MED12L: variants seen among roughly 807,000 people sequenced by gnomAD.
MED12L encodes the protein mediator of RNA polymerase II transcription subunit 12-like protein.
Under a neutral mutation model 281.3 loss-of-function variants are expected in MED12L, and 60 were observed. The ratio of observed to expected loss-of-function variants is 0.21; its 90% confidence interval spans 0.17 to 0.26. The LOEUF is 0.26. MED12L is among the 10% of genes least tolerant of loss of function. The pLI, the probability that MED12L is intolerant of heterozygous loss-of-function variation, is 1.00. For missense variants in MED12L, 2,146 were observed against 2,680.9 expected (o/e 0.80, Z 4.41); for synonymous variants, 974 against 987.2 (o/e 0.99, Z 0.25).
chr3:151,317,465 T>TTTTTTG (rs1748428061), intron 16 of MED12L, among the ~76,000 whole-genome samples: 1 of 131,980 alleles, frequency 7.6e-6, no homozygotes, highest in Non-Finnish European at 1.5e-5. Flanking sequence ...TTTTTTTTTT[T>TTTTTTG]TGTGAGACGG....
intron 16 of MED12L, among the ~76,000 whole-genome samples, chr3:151,309,047 T>A (rs1747087171): frequency 6.6e-6 from 1 of 151,766 alleles, no homozygotes; most frequent in Non-Finnish European, 1.5e-5. Flanking sequence ...TGAATACAAA[T>A]AAATAACCCA....
At chr3:151,120,174 C>T (rs938566326) in intron 3 of MED12L, among the ~76,000 whole-genome samples, 9 of 150,904 alleles carry the variant, frequency 6.0e-5, no homozygotes, top group Admixed American at 4.0e-4. Context: ...TGTAGTGAGC[C>T]GAAATCACAC....
chr3:151,434,461 A>G lies in MED12L; in HGVS notation c.*1657A>G, dbSNP rs1276229145. The G allele has an allele frequency of 6.6e-6, 1 of 152,184 alleles. No individual in the cohort carries two copies. Among genetic ancestry groups the G allele is most frequent in the Non-Finnish European group, 1.5e-5 (1 of 68,034 alleles). The allele number at this position is 152,184 out of a possible 1,614,324, so 9.4% of individuals were successfully genotyped here. On this transcript the variant is annotated 3_prime_UTR_variant, in exon 45 of 45. Transcript: ENST00000687756. ...TTGTGTTTACTCTGGGCTGGAAAAG[A>G]CTTTGCCAAAACATTAAAAACTATT...
At chr3:151,332,322 A>G (rs1278782337) in intron 16 of MED12L, among the ~76,000 whole-genome samples, 1 of 152,228 alleles carries the variant, frequency 6.6e-6, no homozygotes, top group Non-Finnish European at 1.5e-5. Context: ...AGGAACTCCT[A>G]TACTTCTATA....
chr3:151,396,550 T>C (rs1023959457), intron 39 of MED12L, among the ~76,000 whole-genome samples: 4 of 152,168 alleles, frequency 2.6e-5, no homozygotes, highest in Non-Finnish European at 4.4e-5. Context: ...TACTTGAACC[T>C]GGGAGGTGGA....
intron 11 of MED12L, among the ~76,000 whole-genome samples, chr3:151,177,955 C>T (rs935861604): frequency 5.3e-5 from 8 of 151,562 alleles, no homozygotes; most frequent in African/African-American, 1.9e-4. Context: ...TCAATTATTC[C>T]CTCCCCTCAA....
At chr3:151,147,323 C>G (rs1046085545) in intron 5 of MED12L, among the ~76,000 whole-genome samples, 2 of 152,124 alleles carry the variant, frequency 1.3e-5, no homozygotes, top group African/African-American at 2.4e-5. Context: ...TAGTTAAGTA[C>G]TTCAAGAAGA....
chr3:151,249,835 CAT>C (rs1307949758), intron 16 of MED12L, among the ~76,000 whole-genome samples: 2 of 152,116 alleles, frequency 1.3e-5, no homozygotes, highest in South Asian at 4.1e-4. Flanking sequence ...TTAATACAGT[CAT>C]AATACATCTT....
chr3:151,087,006 A>G lies in MED12L; in HGVS notation c.80A>G (p.Gln27Arg). 6.2e-7 allele frequency: 1 copy of G among 1,609,624 alleles called. No individual in the cohort carries two copies. The highest frequency in any genetic ancestry group is 8.5e-7 in the Non-Finnish European group (1 of 1,178,738). Residue 27 changes from glutamine to arginine, a missense_variant, in exon 2 of 45, where the codon CAG becomes CGG. By Grantham distance (43) the Gln-to-Arg change is conservative (BLOSUM62 1). Around this residue, in one of 9 missense-constraint regions of MED12L, gnomAD observed 44 missense variants for 39.7 expected, o/e 1.11. Coordinates refer to ENST00000687756, the MANE Select transcript of MED12L (RefSeq NM_001393769.1). ...CTCGGGCCGCCCGACGTCTACCCAC[A>G]GGACCCCAAGCAGAAGGAGGTAAGG... ...PRLGPPDVYP[Q>R]DPKQKEDELT...
chr3:151,232,303 C>G (rs1398496509), intron 16 of MED12L, among the ~76,000 whole-genome samples: 1 of 152,180 alleles, frequency 6.6e-6, no homozygotes, highest in Non-Finnish European at 1.5e-5. Context: ...ATTTACCCTC[C>G]CACCAATGTG....
chr3:151,313,142 A>G (rs1248234122), intron 16 of MED12L, among the ~76,000 whole-genome samples: 1 of 152,126 alleles, frequency 6.6e-6, no homozygotes, highest in Admixed American at 6.5e-5. Context: ...ATTTGAACAG[A>G]ACGTAAGCCC....
chr3:151,406,070 A>G (rs1041686697), intron 39 of MED12L, among the ~76,000 whole-genome samples: 1 of 152,246 alleles, frequency 6.6e-6, no homozygotes, highest in East Asian at 1.9e-4. Context: ...CAGATAACTA[A>G]GGTGACCAGA....
At chr3:151,279,564 CTCT>C (rs1436240417) in intron 16 of MED12L, among the ~76,000 whole-genome samples, 1 of 152,220 alleles carries the variant, frequency 6.6e-6, no homozygotes, top group Non-Finnish European at 1.5e-5. Context: ...GCCAGAGGGA[CTCT>C]TCTTCAGACC....
intron 16 of MED12L, chr3:151,328,311 T>C: frequency 6.2e-7 from 1 of 1,613,918 alleles, no homozygotes; most frequent in Non-Finnish European, 8.5e-7. Flanking sequence ...TTTTTGTTGT[T>C]TTTTCTGTCC....
At chr3:151,329,016 A>G in intron 16 of MED12L, 1 of 1,560,726 alleles carries the variant, frequency 6.4e-7, no homozygotes, top group South Asian at 1.2e-5. Context: ...ACCTGTTACC[A>G]ATAAACATAT....
chr3:151,311,692 T>A (rs1329832018), intron 16 of MED12L, among the ~76,000 whole-genome samples: 1 of 152,192 alleles, frequency 6.6e-6, no homozygotes, highest in Non-Finnish European at 1.5e-5. Context: ...TACTTCATCA[T>A]GATATGTAGC....
At chr3:151,349,506 G>C (rs1044383116) in intron 16 of MED12L, among the ~76,000 whole-genome samples, 1 of 152,088 alleles carries the variant, frequency 6.6e-6, no homozygotes, top group Non-Finnish European at 1.5e-5. Context: ...CTGGTCTTGA[G>C]CTCCTGTCCT....
chr3:151,158,303 T>C (rs1220668347), intron 6 of MED12L, among the ~76,000 whole-genome samples: 1 of 152,204 alleles, frequency 6.6e-6, no homozygotes, highest in Non-Finnish European at 1.5e-5. Context: ...TTTCACACTT[T>C]TGTTAAGATG....
chr3:151,183,955 T>C (rs1722985494), intron 11 of MED12L, among the ~76,000 whole-genome samples: 1 of 152,242 alleles, frequency 6.6e-6, no homozygotes, highest in African/African-American at 2.4e-5. Context: ...GGTCCTTCAC[T>C]GGATTGACTT....
Sources: gnomAD v4.1 joint callset for allele counts (sites outside exome capture counted in the v4.1 genomes callset) on GRCh38, gnomAD v4.1.1 for gene constraint, gnomAD v4.1.1 regional missense constraint, MANE v1.5 for transcripts, NCBI Gene and HGNC (gene_info 2026-07-23, HGNC 2026-07-21) for gene names.